Variants in VPS13B observed in about 807,000 individuals in gnomAD.
The protein encoded by VPS13B is vacuolar protein sorting 13 homolog B.
A neutral mutation model predicts 426.4 loss-of-function variants in VPS13B; 285 were observed. That is an observed-to-expected ratio of 0.67 (90% CI 0.61 to 0.74). VPS13B has a LOEUF of 0.74. Ranked by LOEUF, VPS13B falls within the 30% of genes least tolerant of loss-of-function variation. The pLI is 0.00. For synonymous variants in VPS13B, 1,676 were observed against 1,676.4 expected (o/e 1.00, Z 0.01); for missense variants, 4,537 against 4,782.6 (o/e 0.95, Z 1.51).
intron 17 of VPS13B, among the ~76,000 whole-genome samples, chr8:99,265,824 G>A (rs747060030): frequency 5.3e-5 from 8 of 152,062 alleles, no homozygotes; most frequent in African/African-American, 9.7e-5. Flanking sequence ...ACTTTTCTCT[G>A]TTCTACTAAG....
chr8:99,415,853 C>G (rs1815970295), intron 21 of VPS13B, among the ~76,000 whole-genome samples: 1 of 152,156 alleles, frequency 6.6e-6, no homozygotes, highest in African/African-American at 2.4e-5. Flanking sequence ...GTCTGTCGAC[C>G]CTTGCTAGGA....
At chr8:99,360,556 C>T (rs533265851) in intron 19 of VPS13B, among the ~76,000 whole-genome samples, 1 of 152,070 alleles carries the variant, frequency 6.6e-6, no homozygotes, top group Non-Finnish European at 1.5e-5. Context: ...GGATTACAGG[C>T]ATGAGCCACC....
chr8:99,242,113 T>A (rs1395786946), intron 17 of VPS13B, among the ~76,000 whole-genome samples: 1 of 152,176 alleles, frequency 6.6e-6, no homozygotes, highest in Non-Finnish European at 1.5e-5. Flanking sequence ...CCCAAGTAGC[T>A]GAGATTACAG....
chr8:99,381,725 T>C (rs1341803959), intron 19 of VPS13B, among the ~76,000 whole-genome samples: 1 of 152,184 alleles, frequency 6.6e-6, no homozygotes, highest in African/African-American at 2.4e-5. Flanking sequence ...TGTCTGTTCA[T>C]GTCCTTTGCC....
chr8:99,772,864 T>G (rs867059679), intron 40 of VPS13B, among the ~76,000 whole-genome samples: 4 of 152,264 alleles, frequency 2.6e-5, no homozygotes, highest in Middle Eastern at 3.4e-3. Context: ...CATTCAGCAC[T>G]CTCACGGGAT....
chr8:99,644,582 T>C (rs1265149842), intron 34 of VPS13B, among the ~76,000 whole-genome samples: 1 of 151,976 alleles, frequency 6.6e-6, no homozygotes, highest in Non-Finnish European at 1.5e-5. Flanking sequence ...GGGGGGTAAA[T>C]GTAGGAGGAA....
chr8:99,186,951 GA>G (rs1320737827), intron 16 of VPS13B, among the ~76,000 whole-genome samples: 1 of 152,136 alleles, frequency 6.6e-6, no homozygotes, highest in Non-Finnish European at 1.5e-5. Flanking sequence ...AAGCTGGCTT[GA>G]AAGGGTACCA....
At chr8:99,337,649 A>G (rs1447606765) in intron 19 of VPS13B, among the ~76,000 whole-genome samples, 1 of 151,932 alleles carries the variant, frequency 6.6e-6, no homozygotes, top group Non-Finnish European at 1.5e-5. Context: ...TGTGCATAAT[A>G]TATTTTCTTA....
intron 3 of VPS13B, among the ~76,000 whole-genome samples, chr8:99,055,583 A>C (rs369021181): frequency 6.6e-6 from 1 of 152,010 alleles, no homozygotes; most frequent in Non-Finnish European, 1.5e-5. Context: ...TATAATTTTC[A>C]TTGTGTCTTT....
intron 21 of VPS13B, among the ~76,000 whole-genome samples, chr8:99,407,003 A>T (rs1410125062): frequency 6.6e-6 from 1 of 152,214 alleles, no homozygotes; most frequent in East Asian, 1.9e-4. Context: ...AAAGTTGAAC[A>T]GAGTTTCAGA....
chr8:99,729,808 T>C (rs1349808976), intron 39 of VPS13B, among the ~76,000 whole-genome samples: 10 of 152,228 alleles, frequency 6.6e-5, no homozygotes. Context: ...GTCTTTTTCA[T>C]AATTACATGG....
At chr8:99,656,385 T>C (rs1000821611) in intron 34 of VPS13B, among the ~76,000 whole-genome samples, 1 of 152,192 alleles carries the variant, frequency 6.6e-6, no homozygotes, top group Non-Finnish European at 1.5e-5. Context: ...TTTATTATTT[T>C]TGAGAGATTC....
In VPS13B at chr8:99,038,533, G is replaced by C; in HGVS notation, c.258G>C (p.Met86Ile). Residue 86 changes from methionine to isoleucine, a missense_variant, in exon 3 of 62, where the codon ATG becomes ATC. Transcript: ENST00000357162. The stretch of plus-strand genomic sequence containing the variant: ...CAGTGGTAATTACCATCAATACTAT[G>C]GAATGCATTTTGAAACTTAAGGATG... ...SEPVVITINTMECILKLKDGI... is the reference protein window; with the variant it reads ...SEPVVITINTIECILKLKDGI... The C allele has an allele frequency of 1.9e-6, 3 of 1,612,800 alleles. No individual in the cohort carries two copies. Among genetic ancestry groups the C allele is most frequent in the Non-Finnish European group, 2.5e-6 (3 of 1,179,364 alleles).
intron 3 of VPS13B, among the ~76,000 whole-genome samples, chr8:99,062,738 G>A (rs1243529274): frequency 6.6e-6 from 1 of 152,092 alleles, no homozygotes; most frequent in Non-Finnish European, 1.5e-5. Context: ...CAAAGTGCTG[G>A]GATTATAGGT....
intron 17 of VPS13B, among the ~76,000 whole-genome samples, chr8:99,257,621 T>C (rs889675255): frequency 5.3e-5 from 8 of 152,184 alleles, no homozygotes; most frequent in Non-Finnish European, 4.4e-5. Context: ...TATTATGACT[T>C]CTTTTATTTC....
At chr8:99,672,850 G>A (rs977451064) in intron 35 of VPS13B, among the ~76,000 whole-genome samples, 5 of 151,946 alleles carry the variant, frequency 3.3e-5, no homozygotes, top group Non-Finnish European at 5.9e-5. Flanking sequence ...TTCTTATCAC[G>A]AAGGGATTTT....
chr8:99,597,057 T>A (rs1437241872), intron 33 of VPS13B, among the ~76,000 whole-genome samples: 1 of 152,090 alleles, frequency 6.6e-6, no homozygotes, highest in African/African-American at 2.4e-5. Flanking sequence ...TTGCAAATTG[T>A]TCAGTACGTC....
chr8:99,337,775 C>CT (rs1811005504), intron 19 of VPS13B, among the ~76,000 whole-genome samples: 1 of 151,890 alleles, frequency 6.6e-6, no homozygotes, highest in Non-Finnish European at 1.5e-5. Flanking sequence ...ATGATTAGTG[C>CT]TTTTTTGGAC....
chr8:99,528,261 T>C (rs1248809170), intron 30 of VPS13B, among the ~76,000 whole-genome samples: 1 of 152,204 alleles, frequency 6.6e-6, no homozygotes, highest in South Asian at 2.1e-4. Flanking sequence ...TTATAAGAAA[T>C]AGAATAGCCT....
Sources: gnomAD v4.1 joint callset for allele counts (sites outside exome capture counted in the v4.1 genomes callset) on GRCh38, gnomAD v4.1.1 for gene constraint, MANE v1.5 for transcripts, NCBI Gene and HGNC (gene_info 2026-07-23, HGNC 2026-07-21) for gene names.